The following AK9 variants were observed in gnomAD, a reference collection of about 807,000 sequenced individuals.
AK9 encodes the protein adenylate kinase 9.
AK9 carries 191 observed loss-of-function variants against 239.6 expected under a neutral mutation model. The observed-to-expected ratio is 0.80, with a 90% CI of 0.71 to 0.90. The LOEUF (loss-of-function observed/expected upper bound fraction) is 0.90. AK9 is among the 40% of genes least tolerant of loss of function. The pLI is 0.00. For missense variants in AK9, 1,995 were observed against 2,214.7 expected (o/e 0.90, Z 1.99); for synonymous variants, 689 against 721.0 (o/e 0.96, Z 0.71).
At chr6:109,573,639 C>T in intron 20 of AK9, 45 bp from the exon 21 acceptor site, 1 of 1,506,450 alleles carries the variant, frequency 6.6e-7, no homozygotes, top group Non-Finnish European at 8.9e-7. Flanking sequence ...TTGAAGTCAA[C>T]AAATATTTAT....
chr6:109,577,504 A>C (rs1372372141), intron 20 of AK9, among the ~76,000 whole-genome samples: 1 of 151,806 alleles, frequency 6.6e-6, no homozygotes, highest in East Asian at 1.9e-4. Flanking sequence ...TCATAGAATG[A>C]TTTAGGGAGG....
chr6:109,680,156 C>T (rs9487186), intron 1 of AK9, among the ~76,000 whole-genome samples: 13,006 of 152,040 alleles, frequency 0.086, 898 homozygotes, highest in African/African-American at 0.19. Flanking sequence ...CAAACTCCTC[C>T]GAGCTAAAGG....
Position 109,563,673 on chromosome 6 carries a change from T to A in AK9, c.2675A>T (p.Asp892Val). The A allele has an allele frequency of 6.4e-7, 1 of 1,550,984 alleles. No homozygotes were observed. The highest frequency in any genetic ancestry group is 8.7e-7 in the Non-Finnish European group (1 of 1,146,310). ...QYTAWELTGEDYEEETEDYQT... is the reference protein window; with the variant it reads ...QYTAWELTGEVYEEETEDYQT... ...GTAGTCTTCTGTTTCTTCCTCATAATCTTCCCCAGTTAACTCCCATGCAGT... is the reference window on the plus strand; with the variant it reads ...GTAGTCTTCTGTTTCTTCCTCATAAACTTCCCCAGTTAACTCCCATGCAGT... The change falls in exon 24 of 41, where the codon GAT becomes GTT. Residue 892 changes from aspartate (D) to valine (V), a missense_variant. Asp to Val is a radical substitution (Grantham distance 152). Coordinates refer to ENST00000424296, the MANE Select transcript of AK9 (RefSeq NM_001145128.3).
intron 8 of AK9, among the ~76,000 whole-genome samples, chr6:109,650,933 G>T (rs1562553930): frequency 6.6e-6 from 1 of 152,120 alleles, no homozygotes; most frequent in African/African-American, 2.4e-5. Context: ...CCTTTGTAGG[G>T]ACATGGATGA....
chr6:109,619,294 C>T, intron 12 of AK9, 58 bp from the exon 13 acceptor site: 2 of 1,474,970 alleles, frequency 1.4e-6, no homozygotes, highest in Non-Finnish European at 9.0e-7. Flanking sequence ...CTATTAAACA[C>T]ATTGTTCATC....
chr6:109,683,884 A>T (rs1773055370), intron 1 of AK9, among the ~76,000 whole-genome samples: 1 of 152,208 alleles, frequency 6.6e-6, no homozygotes. Context: ...TCTTCATGGA[A>T]TTGGGAAAAA....
intron 1 of AK9, among the ~76,000 whole-genome samples, chr6:109,689,123 A>C (rs1295173569): frequency 6.6e-5 from 10 of 152,216 alleles, no homozygotes. Context: ...TGTTAGAGGA[A>C]GGAGATGATC....
intron 6 of AK9, among the ~76,000 whole-genome samples, chr6:109,660,394 CA>C (rs1443723343): frequency 2.0e-5 from 3 of 152,178 alleles, no homozygotes; most frequent in African/African-American, 7.2e-5. Flanking sequence ...TTAGATTCTT[CA>C]ACAAGCATCC....
At chr6:109,574,109 T>C (rs1186894255) in intron 20 of AK9, among the ~76,000 whole-genome samples, 1 of 152,234 alleles carries the variant, frequency 6.6e-6, no homozygotes, top group African/African-American at 2.4e-5. Flanking sequence ...ATGTTTCTAA[T>C]GGGTAGCACC....
At position 109,493,465 on chromosome 6, in the gene AK9, G is replaced by C; in HGVS notation, c.5640C>G (p.Thr1880=). Residue 1880 remains threonine, a synonymous_variant, in exon 41 of 41, where the codon ACC becomes ACG. Coordinates refer to ENST00000424296, the MANE Select transcript of AK9 (RefSeq NM_001145128.3). ...TGAACTGAGGTTCCTTGTATTTTCT[G>C]GTCATCTTGGCACCCAAGTATGTTA... ...ELITYLGAKM[T]RKYKEPQFRA... 2 of 1,614,068 alleles carry C rather than the reference G, an allele frequency of 1.2e-6. No individual in the cohort carries two copies. Among genetic ancestry groups the C allele is most frequent in the South Asian group, 2.2e-5 (2 of 91,072 alleles).
chr6:109,545,923 C>T lies in AK9; in HGVS notation c.3169G>A (p.Glu1057Lys). Residue 1057 changes from glutamate (E) to lysine (K), a missense_variant, in exon 26 of 41, where the codon GAA becomes AAA. Transcript: ENST00000424296. ...ACATTGGCCTGAATTGCAAGCTCTT[C>T]AAGTTCTTGTTTGGCAGCTTGCTCG... Reference protein sequence around the residue: ...ENEQAAKQELEELAIQANVKV... With the variant: ...ENEQAAKQELKELAIQANVKV... 1 of 1,613,998 alleles carries T rather than the reference C, an allele frequency of 6.2e-7. No homozygotes were observed. The highest frequency in any genetic ancestry group is 8.5e-7 in the Non-Finnish European group (1 of 1,180,008).
At chr6:109,611,577 G>A (rs1470107070) in intron 16 of AK9, among the ~76,000 whole-genome samples, 7 of 152,194 alleles carry the variant, frequency 4.6e-5, no homozygotes, top group Non-Finnish European at 1.0e-4. Flanking sequence ...ACATGTTTGT[G>A]TGTGTGCACT....
chr6:109,689,965 T>C (rs1052560927), intron 1 of AK9, among the ~76,000 whole-genome samples: 2 of 152,200 alleles, frequency 1.3e-5, no homozygotes, highest in Non-Finnish European at 2.9e-5. Context: ...GCCATCCTTC[T>C]AGTTCTTAAT....
chr6:109,534,695 G>T (rs1781742936), intron 27 of AK9, among the ~76,000 whole-genome samples: 2 of 152,138 alleles, frequency 1.3e-5, no homozygotes, highest in Admixed American at 6.6e-5. Context: ...TCATGTTGGT[G>T]TGCTGCACCC....
At chr6:109,643,790 A>G (rs576231048) in intron 9 of AK9, among the ~76,000 whole-genome samples, 9 of 152,074 alleles carry the variant, frequency 5.9e-5, no homozygotes, top group South Asian at 2.1e-4. Context: ...GCAAACCACT[A>G]TGCTCTTTCT....
At chr6:109,529,522 A>G (rs2128131324) in intron 28 of AK9, among the ~76,000 whole-genome samples, 1 of 152,210 alleles carries the variant, frequency 6.6e-6, no homozygotes, top group South Asian at 2.1e-4. Flanking sequence ...GAAGATGGGG[A>G]TTGTTTTGGG....
chr6:109,618,439 A>C lies in AK9; in HGVS notation c.1399+653T>G, dbSNP rs921649044. ...TCCTGGAGAAAAACAGAAAAAAAAA[A>C]ACAAAACGCTTTTTGTCTATTCTGC... On this transcript the variant is annotated intron_variant, in intron 13 of 40. Coordinates refer to ENST00000424296, the MANE Select transcript of AK9 (RefSeq NM_001145128.3). 3.3e-4 allele frequency among the ~76,000 whole-genome samples: 49 copies of C among 150,342 alleles called. 2 individuals carry two copies. The highest frequency in any genetic ancestry group is 5.8e-4 in the Non-Finnish European group (39 of 67,580).
chr6:109,654,380 C>T (rs900540083), intron 8 of AK9, among the ~76,000 whole-genome samples: 3 of 151,786 alleles, frequency 2.0e-5, no homozygotes, highest in African/African-American at 7.3e-5. Flanking sequence ...GCTCTGTCAT[C>T]CAGGTTGGAG....
At chr6:109,570,961 T>C (rs756571843) in intron 21 of AK9, among the ~76,000 whole-genome samples, 2 of 152,150 alleles carry the variant, frequency 1.3e-5, no homozygotes, top group African/African-American at 4.8e-5. Flanking sequence ...AGGGAATATC[T>C]TGACTTTTCC....
Sources: allele counts gnomAD v4.1 joint callset (sites outside exome capture counted in the v4.1 genomes callset), GRCh38; gene constraint gnomAD v4.1.1; transcripts MANE v1.5; gene names NCBI Gene and HGNC (gene_info 2026-07-23, HGNC 2026-07-21).